GSE1: variants seen among roughly 807,000 people sequenced by gnomAD.
The protein encoded by GSE1 is genetic suppressor element 1.
Under a neutral mutation model 112.6 loss-of-function variants are expected in GSE1, and 32 were observed. The ratio of observed to expected loss-of-function variants is 0.28; its 90% CI spans 0.21 to 0.38. GSE1 has a LOEUF of 0.38. GSE1 is among the 10% of genes least tolerant of loss of function. The pLI is 1.00. For synonymous variants in GSE1, 1,115 were observed against 735.6 expected, an observed-to-expected ratio of 1.52 and a Z score of -8.35; for missense variants, 2,348 against 1,699.2, an observed-to-expected ratio of 1.38 and a Z score of -6.71.
Position 85,671,022 on chromosome 16 carries a change from A to G in GSE1, c.3443A>G (p.Gln1148Arg). ...EEQNLERQVLQTQCRRLEARH... is the reference protein window; with the variant it reads ...EEQNLERQVLRTQCRRLEARH... The stretch of plus-strand genomic sequence containing the variant: ...CAAAATCTGGAGCGGCAGGTGTTAC[A>G]GACACAATGTAGACGACTGGAGGCC... Residue 1148 changes from glutamine to arginine, a missense_variant, in exon 15 of 16, where the codon CAG becomes CGG. Physicochemically the swap from Gln to Arg is conservative, Grantham distance 43. Transcript: ENST00000253458. 1.2e-6 allele frequency: 2 copies of G among 1,611,632 alleles called. No homozygotes were observed. Among genetic ancestry groups the G allele is most frequent in the South Asian group, 2.2e-5 (2 of 91,022 alleles).
intron 1 of GSE1, among the ~76,000 whole-genome samples, chr16:85,558,527 AG>A (rs2045348645): frequency 6.6e-6 from 1 of 152,208 alleles, no homozygotes. Flanking sequence ...GGAAATTCAA[AG>A]CCATTAAGGA....
intron 2 of GSE1, among the ~76,000 whole-genome samples, chr16:85,439,997 A>C (rs562110313): frequency 6.6e-6 from 1 of 152,252 alleles, no homozygotes; most frequent in Non-Finnish European, 1.5e-5. Flanking sequence ...TGCATATGCA[A>C]ATATGCACAG....
intron 8 of GSE1, among the ~76,000 whole-genome samples, chr16:85,658,574 G>A (rs114812031): frequency 3.7e-4 from 56 of 152,304 alleles, no homozygotes; most frequent in African/African-American, 1.3e-3. Flanking sequence ...GAGGGAATGC[G>A]CCCCCGCTGA....
chr16:85,266,262 C>T (rs1213216305), intron 1 of GSE1, among the ~76,000 whole-genome samples: 1 of 152,162 alleles, frequency 6.6e-6, no homozygotes, highest in African/African-American at 2.4e-5. Flanking sequence ...TGCGTCCTCT[C>T]TCTCTAGGAA....
At chr16:85,206,620 T>C (rs1056014339) in intron 1 of GSE1, among the ~76,000 whole-genome samples, 2 of 152,030 alleles carry the variant, frequency 1.3e-5, no homozygotes, top group African/African-American at 2.4e-5. Flanking sequence ...GGGGGGCCCC[T>C]ACAGCATGGG....
At chr16:85,224,528 A>G (rs992368767) in intron 1 of GSE1, among the ~76,000 whole-genome samples, 2 of 152,058 alleles carry the variant, frequency 1.3e-5, no homozygotes, top group Non-Finnish European at 1.5e-5. Context: ...TTTTGGCAGT[A>G]TCCAGACTCA....
chr16:85,237,841 CAAAAAAAAAGA>C, intron 1 of GSE1, among the ~76,000 whole-genome samples: 1 of 140,626 alleles, frequency 7.1e-6, no homozygotes, highest in East Asian at 2.1e-4. Context: ...CTGTCCCCCG[CAAAAAAAAAGA>C]AAAAAAAAAA....
At chr16:85,188,475 T>A (rs2074755182) in intron 1 of GSE1, among the ~76,000 whole-genome samples, 1 of 152,034 alleles carries the variant, frequency 6.6e-6, no homozygotes, top group African/African-American at 2.4e-5. Flanking sequence ...ACCCTTTTAG[T>A]CCAGGTGAAT....
In GSE1 at chr16:85,255,704, G is replaced by C. The variant is rs554250776; in HGVS notation, c.2283+83897G>C. ...AGGCGTGAGCCACCGCACCCGGCCA[G>C]TCAGTGCCTACTTTTCTTTCTTTCT... On this transcript the variant is annotated intron_variant, in intron 1 of 2. Coordinates refer to the GSE1 transcript ENST00000637419. 1.1e-4 allele frequency among the ~76,000 whole-genome samples: 17 copies of C among 152,042 alleles called. No homozygotes were observed. The South Asian group carries it at 3.3e-3, about 30-fold the overall frequency.
chr16:85,361,377 A>AC (rs5818531), intron 2 of GSE1, among the ~76,000 whole-genome samples: 13 of 116,710 alleles, frequency 1.1e-4, no homozygotes, highest in South Asian at 2.9e-4. Context: ...ACAGGCACAG[A>AC]CCCCCCCACA....
chr16:85,637,616 C>T (rs901985049), intron 2 of GSE1, among the ~76,000 whole-genome samples: 1 of 152,264 alleles, frequency 6.6e-6, no homozygotes, highest in Non-Finnish European at 1.5e-5. Context: ...ACACCCTTCG[C>T]CTCTGGTGGA....
intron 2 of GSE1, among the ~76,000 whole-genome samples, chr16:85,395,369 G>A (rs567241551): frequency 4.6e-5 from 7 of 152,298 alleles, no homozygotes; most frequent in African/African-American, 1.7e-4. Context: ...TGTGTGCCAG[G>A]CTCCTCATGT....
In GSE1 at chr16:85,196,157, C is replaced by G. The variant is rs564840086; in HGVS notation, c.2283+24350C>G. Among the ~76,000 whole-genome samples, 6 of 152,282 alleles carry G rather than the reference C, an allele frequency of 3.9e-5. No homozygotes were observed. The East Asian group carries it at 1.2e-3, about 29-fold the overall frequency. On this transcript the variant is annotated intron_variant, in intron 1 of 2. Transcript: ENST00000637419. Reference sequence around the variant, plus strand: ...ACGAGTTAAGAAAAACGTATGGTTTCCAGAACTTTTGGACTTGGGGGTTGT... The same window carrying G: ...ACGAGTTAAGAAAAACGTATGGTTTGCAGAACTTTTGGACTTGGGGGTTGT...
chr16:85,316,727 C>T (rs1298101385), intron 1 of GSE1, among the ~76,000 whole-genome samples: 5 of 152,236 alleles, frequency 3.3e-5, no homozygotes, highest in Non-Finnish European at 7.3e-5. Context: ...CCCCATGGGG[C>T]TCCGCAGGGG....
intron 1 of GSE1, among the ~76,000 whole-genome samples, chr16:85,217,677 A>C (rs2075326688): frequency 6.6e-6 from 1 of 152,152 alleles, no homozygotes; most frequent in Non-Finnish European, 1.5e-5. Flanking sequence ...TGCTCAGTGA[A>C]GGCCAGCAAG....
intron 1 of GSE1, among the ~76,000 whole-genome samples, chr16:85,330,993 C>G (rs961261316): frequency 3.2e-4 from 49 of 152,064 alleles, no homozygotes; most frequent in Non-Finnish European, 5.9e-4. Context: ...TGCAAGCCAC[C>G]TAGTGGGGAG....
intron 7 of GSE1, among the ~76,000 whole-genome samples, chr16:85,656,868 G>A (rs182455846): frequency 6.6e-6 from 1 of 152,398 alleles, no homozygotes; most frequent in East Asian, 1.9e-4. Context: ...GCTGACCCCA[G>A]GAGGACAGTT....
At chr16:85,180,673 G>C (rs2143290050) in intron 1 of GSE1, among the ~76,000 whole-genome samples, 1 of 152,318 alleles carries the variant, frequency 6.6e-6, no homozygotes, top group South Asian at 2.1e-4. Context: ...CACACAGTGG[G>C]GAAGTGCCGG....
At chr16:85,432,516 T>G (rs1002314379) in intron 2 of GSE1, among the ~76,000 whole-genome samples, 1 of 152,238 alleles carries the variant, frequency 6.6e-6, no homozygotes, top group Non-Finnish European at 1.5e-5. Context: ...CAGGGTTCTT[T>G]CCACGCTTTG....
Sources: allele counts gnomAD v4.1 joint callset (sites outside exome capture counted in the v4.1 genomes callset), GRCh38; gene constraint gnomAD v4.1.1; transcripts MANE v1.5; gene names NCBI Gene and HGNC (gene_info 2026-07-23, HGNC 2026-07-21).